SEPTIN9: variants seen among roughly 807,000 people sequenced by gnomAD.
SEPTIN9 encodes the protein septin-9.
SEPTIN9 carries 13 observed loss-of-function variants against 56.6 expected under a neutral mutation model. The observed-to-expected ratio is 0.23, with a 90% CI of 0.15 to 0.37. SEPTIN9 has a LOEUF of 0.37. Among genes scored for constraint, SEPTIN9 ranks in the 10% least tolerant of loss-of-function variants. The pLI is 1.00. For missense variants in SEPTIN9, 650 were observed against 823.1 expected, an observed-to-expected ratio of 0.79 and a Z score of 2.57; for synonymous variants, 332 against 334.1, an observed-to-expected ratio of 0.99 and a Z score of 0.07.
intron 3 of SEPTIN9, among the ~76,000 whole-genome samples, chr17:77,422,677 A>G (rs1444297661): frequency 7.3e-6 from 1 of 136,128 alleles, no homozygotes; most frequent in Non-Finnish European, 1.5e-5. Flanking sequence ...TCCCCATGAA[A>G]CCGGGCCCAT....
chr17:77,390,823 G>T (rs1202025227), intron 2 of SEPTIN9, among the ~76,000 whole-genome samples: 1 of 152,212 alleles, frequency 6.6e-6, no homozygotes, highest in African/African-American at 2.4e-5. Flanking sequence ...CTCTGGTGGG[G>T]CACAATTCTG....
intron 3 of SEPTIN9, among the ~76,000 whole-genome samples, chr17:77,416,698 C>T (rs771841038): frequency 3.3e-5 from 5 of 152,196 alleles, no homozygotes; most frequent in African/African-American, 7.2e-5. Flanking sequence ...GAAGAGCCAC[C>T]GGGATACGGA....
At chr17:77,325,960 G>A (rs557395805) in intron 2 of SEPTIN9, among the ~76,000 whole-genome samples, 126 of 152,286 alleles carry the variant, frequency 8.3e-4, no homozygotes, top group African/African-American at 2.9e-3. Flanking sequence ...CTTTCCCGGA[G>A]GCCTGGCCTC....
chr17:77,490,876 A>G lies in SEPTIN9; in HGVS notation c.1380+17A>G. The stretch of plus-strand genomic sequence containing the variant: ...AAACAGCGGGTAGGGTTCCATCTCT[A>G]CTTGCCCCAGCCCTTCTGTGCAACC... On this transcript the variant is annotated intron_variant, in intron 8 of 11. Transcript: ENST00000427177. 2 of 1,545,238 alleles carry G rather than the reference A, an allele frequency of 1.3e-6. No individual in the cohort carries two copies. The highest frequency in any genetic ancestry group is 1.2e-5 in the South Asian group (1 of 84,308).
intron 3 of SEPTIN9, among the ~76,000 whole-genome samples, chr17:77,415,634 A>C (rs1598339550): frequency 7.9e-6 from 1 of 125,884 alleles, no homozygotes. Context: ...TCTCAAAAAA[A>C]AAAAAAAAAA....
chr17:77,451,363 C>A lies in SEPTIN9; in HGVS notation c.722-30781C>A. Reference sequence around the variant, plus strand: ...GCAATTCCCCACCGAGCCTCCCTTCCCAGGCAGTCGAGGTCCCTCCCTACC... The same window carrying A: ...GCAATTCCCCACCGAGCCTCCCTTCACAGGCAGTCGAGGTCCCTCCCTACC... On this transcript the variant is annotated intron_variant, in intron 3 of 11. Transcript: ENST00000427177. The surrounding 1 kb of genome is among the most constrained non-coding windows in gnomAD (Gnocchi z 4.2). The A allele has an allele frequency of 4.1e-6, 4 of 985,904 alleles. No homozygotes were observed. The highest frequency in any genetic ancestry group is 3.6e-6 in the Non-Finnish European group (3 of 830,182). 61.1% of individuals were successfully genotyped at this position (985,904 alleles called of 1,614,324 possible). A position where few individuals can be genotyped will look rare whatever the true frequency, so the allele number is the denominator to read the frequency against.
chr17:77,425,397 G>A lies in SEPTIN9; in HGVS notation c.721+22694G>A, dbSNP rs1211224917. On this transcript the variant is annotated intron_variant, in intron 3 of 11. Coordinates refer to ENST00000427177, the MANE Select transcript of SEPTIN9 (RefSeq NM_001113491.2). This position sits in a 1 kb window ranked among gnomAD's most constrained non-coding sequence, Gnocchi z 4.2. ...GCACCTGAGGGCTTCAGAGGTCCGG[G>A]AGGGGGATGTGACCGTGTCCCCAGG... Among the ~76,000 whole-genome samples, 1 of 152,190 alleles carries A rather than the reference G, an allele frequency of 6.6e-6. No homozygotes were observed. The highest frequency in any genetic ancestry group is 1.5e-5 in the Non-Finnish European group (1 of 68,034).
At chr17:77,338,157 A>G (rs570647973) in intron 2 of SEPTIN9, among the ~76,000 whole-genome samples, 1 of 152,172 alleles carries the variant, frequency 6.6e-6, no homozygotes, top group East Asian at 1.9e-4. Flanking sequence ...AGATCACACC[A>G]CTGTACTCCA....
At position 77,498,945 on chromosome 17, in the gene SEPTIN9, G is replaced by C; in HGVS notation, c.*287G>C. On this transcript the variant is annotated 3_prime_UTR_variant, in exon 12 of 12. Coordinates refer to ENST00000427177, the MANE Select transcript of SEPTIN9 (RefSeq NM_001113491.2). The stretch of plus-strand genomic sequence containing the variant: ...CTGTCCCCAGGCCTGGCTCCCCGAG[G>C]GCTCAGAAGAGCAGCTTCGGTGTGC... The C allele has an allele frequency of 1.8e-6, 1 of 556,630 alleles. No homozygotes were observed. The highest frequency in any genetic ancestry group is 1.5e-5 in the South Asian group (1 of 65,426). The allele number at this position is 556,630 out of a possible 1,614,324, so 34.5% of individuals were successfully genotyped here.
chr17:77,455,241 T>C (rs2038146467), intron 3 of SEPTIN9, among the ~76,000 whole-genome samples: 1 of 152,178 alleles, frequency 6.6e-6, no homozygotes, highest in East Asian at 1.9e-4. Context: ...GAACCCCAAC[T>C]CTGGGTCGGT....
chr17:77,455,554 C>A (rs1201042125), intron 3 of SEPTIN9, among the ~76,000 whole-genome samples: 2 of 152,206 alleles, frequency 1.3e-5, no homozygotes, highest in Admixed American at 1.3e-4. Flanking sequence ...GCCTTTGTTC[C>A]AGGGGCCACC....
chr17:77,331,326 G>A (rs2033343388), intron 2 of SEPTIN9, among the ~76,000 whole-genome samples: 1 of 152,228 alleles, frequency 6.6e-6, no homozygotes, highest in Admixed American at 6.5e-5. Context: ...AGAGGCTGGG[G>A]TGATGGGCAC....
intron 2 of SEPTIN9, among the ~76,000 whole-genome samples, chr17:77,335,031 C>T (rs2033490697): frequency 6.6e-6 from 1 of 151,984 alleles, no homozygotes; most frequent in African/African-American, 2.4e-5. Context: ...TACGTATATA[C>T]ATATTGGCCC....
chr17:77,415,468 G>A (rs1217245129), intron 3 of SEPTIN9, among the ~76,000 whole-genome samples: 2 of 152,080 alleles, frequency 1.3e-5, no homozygotes, highest in East Asian at 3.8e-4. Context: ...TTAGCTGGGT[G>A]TGGTGGCGTG....
chr17:77,475,442 G>T lies in SEPTIN9; in HGVS notation c.722-6702G>T. 6.6e-7 allele frequency: 1 copy of T among 1,524,708 alleles called. No individual in the cohort carries two copies. Among genetic ancestry groups the T allele is most frequent in the East Asian group, 2.3e-5 (1 of 43,502 alleles). The allele number at this position is 1,524,708 out of a possible 1,614,324, so 94.4% of individuals were successfully genotyped here. A position where few individuals can be genotyped will look rare whatever the true frequency, so the allele number is the denominator to read the frequency against. On this transcript the variant is annotated intron_variant, in intron 3 of 11. Coordinates refer to ENST00000427177, the MANE Select transcript of SEPTIN9 (RefSeq NM_001113491.2). The surrounding 1 kb of genome is among the most constrained non-coding windows in gnomAD (Gnocchi z 4.6). ...GTCCTCCTAGCATTGCCTGCATCAGGGACTCACTCAGCTTTAAGAAGCCCC... is the reference window on the plus strand; with the variant it reads ...GTCCTCCTAGCATTGCCTGCATCAGTGACTCACTCAGCTTTAAGAAGCCCC...
chr17:77,445,746 C>T lies in SEPTIN9; in HGVS notation c.722-36398C>T, dbSNP rs1453003049. The T allele has an allele frequency of 1.8e-5, 5 of 281,278 alleles. No homozygotes were observed. Among genetic ancestry groups the T allele is most frequent in the Non-Finnish European group, 2.3e-5 (3 of 133,214 alleles). The allele number at this position is 281,278 out of a possible 1,614,324, so 17.4% of individuals were successfully genotyped here. A position where few individuals can be genotyped will look rare whatever the true frequency, so the allele number is the denominator to read the frequency against. ...TCCCCTGTGGCTTCCAGAGTGGGAC[C>T]TTGCTGTGGGATAGGCTGGCCAATG... On this transcript the variant is annotated intron_variant, in intron 3 of 11. Transcript: ENST00000427177. This position sits in a 1 kb window ranked among gnomAD's most constrained non-coding sequence, Gnocchi z 4.7.
At chr17:77,412,809 C>T (rs1217934621) in intron 3 of SEPTIN9, among the ~76,000 whole-genome samples, 1 of 151,934 alleles carries the variant, frequency 6.6e-6, no homozygotes, top group Admixed American at 6.6e-5. Flanking sequence ...GATTTTGTTT[C>T]TGGGATGTTC....
intron 3 of SEPTIN9, among the ~76,000 whole-genome samples, chr17:77,428,554 T>C (rs891762702): frequency 6.6e-6 from 1 of 152,230 alleles, no homozygotes; most frequent in Non-Finnish European, 1.5e-5. Context: ...GCTCGGCAGA[T>C]GTTAGCTGTG....
Position 77,445,331 on chromosome 17 carries a change from G to A in SEPTIN9, c.722-36813G>A. The A allele has an allele frequency of 2.2e-6, 1 of 464,888 alleles. No homozygotes were observed. The highest frequency in any genetic ancestry group is 1.5e-5 in the South Asian group (1 of 64,572). 28.8% of individuals were successfully genotyped at this position (464,888 alleles called of 1,614,324 possible). On this transcript the variant is annotated intron_variant, in intron 3 of 11. Transcript: ENST00000427177. This position sits in a 1 kb window ranked among gnomAD's most constrained non-coding sequence, Gnocchi z 4.7. ...CGGCCGCCAGCTCACAAAGGATAGG[G>A]AGGGATATTGCTCTTGGCATTTGAT...
Sources: gnomAD v4.1 joint callset for allele counts (sites outside exome capture counted in the v4.1 genomes callset) on GRCh38, gnomAD v4.1.1 for gene constraint, Gnocchi (gnomAD v3.1) non-coding constraint, MANE v1.5 for transcripts, NCBI Gene and HGNC (gene_info 2026-07-23, HGNC 2026-07-21) for gene names.